SGCZ: variants seen among roughly 807,000 people sequenced by gnomAD.
The protein encoded by SGCZ is zeta-sarcoglycan.
A neutral mutation model predicts 41.3 loss-of-function variants in SGCZ; 40 were observed. The observed-to-expected ratio is 0.97, with a 90% CI of 0.75 to 1.26. SGCZ has a LOEUF of 1.26. SGCZ is among the 50% of genes most tolerant of loss of function. The pLI, the probability that SGCZ is intolerant of heterozygous loss-of-function variation, is 0.00. For synonymous variants in SGCZ, 206 were observed against 137.5 expected (o/e 1.50, Z -3.49); for missense variants, 552 against 369.8 (o/e 1.49, Z -4.04).
chr8:14,390,009 T>G (rs1804712915), intron 2 of SGCZ, among the ~76,000 whole-genome samples: 1 of 151,976 alleles, frequency 6.6e-6, no homozygotes, highest in African/African-American at 2.4e-5. Context: ...GTTATTTTCT[T>G]CCTGCAAGAC....
At chr8:14,780,339 C>T (rs2130431698) in intron 1 of SGCZ, among the ~76,000 whole-genome samples, 1 of 145,464 alleles carries the variant, frequency 6.9e-6, no homozygotes, top group East Asian at 2.0e-4. Context: ...TGCGCCATTG[C>T]ACTCCAGCCT....
intron 3 of SGCZ, among the ~76,000 whole-genome samples, chr8:14,294,697 G>T (rs756947447): frequency 3.3e-5 from 5 of 151,950 alleles, no homozygotes; most frequent in Non-Finnish European, 5.9e-5. Context: ...TGTAGAATAG[G>T]TAGGCAAATG....
intron 4 of SGCZ, among the ~76,000 whole-genome samples, chr8:14,222,261 C>T (rs1400281025): frequency 6.6e-6 from 1 of 151,968 alleles, no homozygotes; most frequent in Middle Eastern, 3.2e-3. Flanking sequence ...AACTCCGCCT[C>T]CCGGGTTCAA....
chr8:14,429,775 A>G (rs1331083161), intron 2 of SGCZ, among the ~76,000 whole-genome samples: 4 of 151,918 alleles, frequency 2.6e-5, no homozygotes, highest in Non-Finnish European at 4.4e-5. Flanking sequence ...TTGTAAACAA[A>G]GTTTTCTTGG....
chr8:15,190,638 G>GCC (rs1563174814), intron 1 of SGCZ, among the ~76,000 whole-genome samples: 2 of 151,652 alleles, frequency 1.3e-5, no homozygotes, highest in African/African-American at 4.9e-5. Context: ...GATAGTTTCA[G>GCC]AGCCTTCAAA....
At chr8:14,413,756 T>C (rs1006307798) in intron 2 of SGCZ, among the ~76,000 whole-genome samples, 1 of 151,998 alleles carries the variant, frequency 6.6e-6, no homozygotes, top group African/African-American at 2.4e-5. Flanking sequence ...TGTCATCCTA[T>C]AAAAACACAC....
chr8:14,539,760 T>C (rs1373827929), intron 2 of SGCZ, among the ~76,000 whole-genome samples: 1 of 152,008 alleles, frequency 6.6e-6, no homozygotes, highest in African/African-American at 2.4e-5. Flanking sequence ...TGTGTTCACA[T>C]GATTTAGCTC....
intron 1 of SGCZ, among the ~76,000 whole-genome samples, chr8:14,570,625 A>C (rs181058536): frequency 1.3e-5 from 2 of 152,320 alleles, no homozygotes; most frequent in African/African-American, 4.8e-5. Context: ...TCTGAAGGAA[A>C]TTGATAGCTT....
At chr8:14,796,260 A>G (rs1040958452) in intron 1 of SGCZ, among the ~76,000 whole-genome samples, 13 of 152,178 alleles carry the variant, frequency 8.5e-5, no homozygotes, top group African/African-American at 3.1e-4. Flanking sequence ...ACAATCTTCC[A>G]GAATGGCTGA....
At chr8:14,975,809 A>ATATATATATATATATATGTGTG (rs1181919961) in intron 1 of SGCZ, among the ~76,000 whole-genome samples, 100 of 131,868 alleles carry the variant, frequency 7.6e-4, no homozygotes, top group Non-Finnish European at 1.4e-3. Flanking sequence ...ATATATATAT[A>ATATATATATATATATATGTGTG]TGTGTGTGTG....
At chr8:15,074,215 G>A (rs1805452377) in intron 1 of SGCZ, among the ~76,000 whole-genome samples, 1 of 152,024 alleles carries the variant, frequency 6.6e-6, no homozygotes, top group African/African-American at 2.4e-5. Flanking sequence ...CATAAAAGGA[G>A]CCTAAACTTC....
In SGCZ at chr8:14,777,924, C is replaced by T. The variant is rs374799849; in HGVS notation, c.40-222998G>A. ...AAAAAAAAAAAAAAAGGAATAAGAA[C>T]ATCATTTAAAGAAAAAAATTGGAGA... is the stretch of plus-strand genomic sequence containing the variant. On this transcript the variant is annotated intron_variant, in intron 1 of 7. Coordinates refer to ENST00000382080, the MANE Select transcript of SGCZ (RefSeq NM_139167.4). Among the ~76,000 whole-genome samples the T allele has an allele frequency of 3.4e-5, 5 of 146,892 alleles. 1 individual carries two copies. The highest frequency in any genetic ancestry group is 1.3e-4 in the African/African-American group (5 of 39,740).
intron 1 of SGCZ, among the ~76,000 whole-genome samples, chr8:14,845,513 A>G (rs1049646782): frequency 6.6e-6 from 1 of 152,190 alleles, no homozygotes; most frequent in Non-Finnish European, 1.5e-5. Flanking sequence ...ATGGCTTACA[A>G]TAAGTAGAAA....
At chr8:14,759,888 G>A (rs946630826) in intron 1 of SGCZ, among the ~76,000 whole-genome samples, 5 of 152,158 alleles carry the variant, frequency 3.3e-5, no homozygotes, top group Non-Finnish European at 7.4e-5. Flanking sequence ...CAGGTTCCAG[G>A]ATCAACAGAA....
intron 2 of SGCZ, among the ~76,000 whole-genome samples, chr8:14,401,987 G>C (rs1205556904): frequency 1.3e-5 from 2 of 151,934 alleles, no homozygotes; most frequent in Admixed American, 1.3e-4. Context: ...ATTCTAACTG[G>C]TGTGGGATGG....
chr8:14,683,007 A>G (rs1384610495), intron 1 of SGCZ, among the ~76,000 whole-genome samples: 1 of 152,202 alleles, frequency 6.6e-6, no homozygotes, highest in East Asian at 1.9e-4. Flanking sequence ...AGATAACGCC[A>G]TTTAATTTAA....
At chr8:15,088,827 C>A (rs1278695470) in intron 1 of SGCZ, among the ~76,000 whole-genome samples, 1 of 152,066 alleles carries the variant, frequency 6.6e-6, no homozygotes, top group Non-Finnish European at 1.5e-5. Context: ...TAAATAGGCC[C>A]AACTCACATG....
intron 2 of SGCZ, among the ~76,000 whole-genome samples, chr8:14,466,699 T>C (rs1017887151): frequency 6.6e-6 from 1 of 151,870 alleles, no homozygotes; most frequent in Non-Finnish European, 1.5e-5. Flanking sequence ...TGTCTTCTAG[T>C]TTGTGGAATT....
chr8:15,048,314 C>A (rs1051450419), intron 1 of SGCZ, among the ~76,000 whole-genome samples: 1 of 151,790 alleles, frequency 6.6e-6, no homozygotes, highest in Non-Finnish European at 1.5e-5. Context: ...TGATGGTTAC[C>A]AGAGGCTGGA....
Sources: gnomAD v4.1 joint callset for allele counts (sites outside exome capture counted in the v4.1 genomes callset) on GRCh38, gnomAD v4.1.1 for gene constraint, MANE v1.5 for transcripts, NCBI Gene and HGNC (gene_info 2026-07-23, HGNC 2026-07-21) for gene names.